Variants in MVB12B observed in about 807,000 individuals in gnomAD.
MVB12B encodes ESCRT-I complex subunit MVB12B.
MVB12B carries 16 observed loss-of-function variants against 41.6 expected under a neutral mutation model. The ratio of observed to expected loss-of-function variants is 0.38; its 90% confidence interval spans 0.26 to 0.58. MVB12B has a LOEUF of 0.58. Among genes scored for constraint, MVB12B ranks in the 20% least tolerant of loss-of-function variants. The probability of loss-of-function intolerance (pLI) is 0.62; values close to 1 mark genes in which losing one functional copy is unlikely to be tolerated. For synonymous variants in MVB12B, 133 were observed against 139.7 expected (o/e 0.95, Z 0.34); for missense variants, 274 against 380.2 (o/e 0.72, Z 2.32).
chr9:126,476,673 G>C (rs1274656312), intron 7 of MVB12B, among the ~76,000 whole-genome samples: 1 of 151,880 alleles, frequency 6.6e-6, no homozygotes, highest in African/African-American at 2.4e-5. Context: ...TCAGGAGATC[G>C]AGACCATCCT....
chr9:126,328,521 C>T (rs1228322385), intron 1 of MVB12B, among the ~76,000 whole-genome samples: 1 of 152,178 alleles, frequency 6.6e-6, no homozygotes, highest in Non-Finnish European at 1.5e-5. Context: ...GGCTTTCCTA[C>T]TTACTTTGTG....
chr9:126,418,459 T>C (rs575444268), intron 6 of MVB12B, among the ~76,000 whole-genome samples: 2 of 152,336 alleles, frequency 1.3e-5, no homozygotes, highest in South Asian at 4.1e-4. Flanking sequence ...GAATGAAGTC[T>C]CTGCACAAAG....
chr9:126,340,709 C>A lies in MVB12B; in HGVS notation c.204+79C>A. On this transcript the variant is annotated intron_variant, in intron 2 of 9. Coordinates refer to ENST00000361171, the MANE Select transcript of MVB12B (RefSeq NM_033446.3). The surrounding 1 kb of genome is among the most constrained non-coding windows in gnomAD (Gnocchi z 4.0). The stretch of plus-strand genomic sequence containing the variant: ...TCTCCTGTGTCCAAGACCTTCTGGC[C>A]CTTGCGTGTAAGATGTGCTTCTTCC... The A allele has an allele frequency of 6.5e-7, 1 of 1,529,360 alleles. No individual in the cohort carries two copies. Among genetic ancestry groups the A allele is most frequent in the African/African-American group, 1.4e-5 (1 of 72,988 alleles). The allele number at this position is 1,529,360 out of a possible 1,614,324, so 94.7% of individuals were successfully genotyped here. A position where few individuals can be genotyped will look rare whatever the true frequency, so the allele number is the denominator to read the frequency against.
Position 126,391,801 on chromosome 9 carries a change from C to T in MVB12B, c.410-265C>T, listed in dbSNP as rs1026902478. Among the ~76,000 whole-genome samples, 4 of 152,202 alleles carry T rather than the reference C, an allele frequency of 2.6e-5. No homozygotes were observed. Among genetic ancestry groups the T allele is most frequent in the South Asian group, 2.1e-4 (1 of 4,834 alleles). ...CTGAGCAGTGAGCAGATTGTGGTTG[C>T]GGCTCTTAGAAGCCACCCAGATTTA... On this transcript the variant is annotated intron_variant, in intron 4 of 9. Coordinates refer to ENST00000361171, the MANE Select transcript of MVB12B (RefSeq NM_033446.3). This position sits in a 1 kb window ranked among gnomAD's most constrained non-coding sequence, Gnocchi z 4.4.
intron 2 of MVB12B, among the ~76,000 whole-genome samples, chr9:126,347,107 T>C (rs1829612709): frequency 6.6e-6 from 1 of 152,132 alleles, no homozygotes; most frequent in Non-Finnish European, 1.5e-5. Flanking sequence ...TAGTTACTGA[T>C]GAGAAGGAAC....
chr9:126,439,993 A>G (rs545456037), intron 7 of MVB12B, among the ~76,000 whole-genome samples: 1 of 152,350 alleles, frequency 6.6e-6, no homozygotes, highest in East Asian at 1.9e-4. Flanking sequence ...ATTTACTCTG[A>G]TGATATTAAT....
intron 2 of MVB12B, among the ~76,000 whole-genome samples, chr9:126,375,290 TGAG>T (rs1830446660): frequency 6.6e-6 from 1 of 152,050 alleles, no homozygotes; most frequent in Non-Finnish European, 1.5e-5. Context: ...TTCATTCATT[TGAG>T]GAGTTGTCCG....
At chr9:126,429,828 T>C (rs1172286886) in intron 7 of MVB12B, among the ~76,000 whole-genome samples, 1 of 152,210 alleles carries the variant, frequency 6.6e-6, no homozygotes, top group Non-Finnish European at 1.5e-5. Flanking sequence ...GGAGGTTTTC[T>C]GCAGTGCGAG....
At chr9:126,471,584 AT>A (rs1454370877) in intron 7 of MVB12B, among the ~76,000 whole-genome samples, 5 of 152,226 alleles carry the variant, frequency 3.3e-5, no homozygotes, top group African/African-American at 1.2e-4. Context: ...TCCAAGGAAT[AT>A]CCCCAAAGTG....
chr9:126,471,813 C>G (rs1833319769), intron 7 of MVB12B, among the ~76,000 whole-genome samples: 1 of 152,158 alleles, frequency 6.6e-6, no homozygotes, highest in Non-Finnish European at 1.5e-5. Context: ...TCCCACCACT[C>G]CAATTGCATT....
intron 1 of MVB12B, among the ~76,000 whole-genome samples, chr9:126,332,623 C>G (rs919047595): frequency 2.6e-5 from 4 of 152,178 alleles, no homozygotes; most frequent in African/African-American, 7.2e-5. Flanking sequence ...ATCAGTGACC[C>G]CAGACCCCGG....
At chr9:126,359,245 T>A (rs1006675624) in intron 2 of MVB12B, among the ~76,000 whole-genome samples, 23 of 152,242 alleles carry the variant, frequency 1.5e-4, no homozygotes, top group African/African-American at 4.6e-4. Context: ...AACTTCCATT[T>A]CTGGAATAAA....
At chr9:126,355,021 TCTGAACACTGTCTTCTCC>T (rs750868758) in intron 2 of MVB12B, among the ~76,000 whole-genome samples, 1 of 152,192 alleles carries the variant, frequency 6.6e-6, no homozygotes, top group Non-Finnish European at 1.5e-5. Flanking sequence ...GTAGCTATTT[TCTGAACACTGTCTTCTCC>T]CTGTGGTTTT....
At chr9:126,454,996 A>G (rs1018635892) in intron 7 of MVB12B, among the ~76,000 whole-genome samples, 1 of 152,048 alleles carries the variant, frequency 6.6e-6, no homozygotes, top group African/African-American at 2.4e-5. Context: ...GCGAGCATGC[A>G]CCATGATGGC....
intron 1 of MVB12B, among the ~76,000 whole-genome samples, chr9:126,334,770 C>T (rs1397567658): frequency 6.6e-6 from 1 of 152,218 alleles, no homozygotes; most frequent in Non-Finnish European, 1.5e-5. Flanking sequence ...CCACAGTGTA[C>T]TGGAGAATGC....
chr9:126,431,263 C>T (rs183329189), intron 7 of MVB12B, among the ~76,000 whole-genome samples: 7 of 152,336 alleles, frequency 4.6e-5, no homozygotes, highest in African/African-American at 1.2e-4. Context: ...CATTCTGTCA[C>T]GCATCACCAC....
intron 9 of MVB12B, among the ~76,000 whole-genome samples, chr9:126,491,587 C>A (rs1489609218): frequency 6.6e-6 from 1 of 152,158 alleles, no homozygotes; most frequent in African/African-American, 2.4e-5. Context: ...CTTTATTTTT[C>A]TGTTAGAAAG....
Position 126,506,057 on chromosome 9 carries a change from G to C in MVB12B, c.*2794G>C, listed in dbSNP as rs1386699738. On this transcript the variant is annotated 3_prime_UTR_variant, in exon 10 of 10. Transcript: ENST00000361171. ...GGAAATGGCACAAAGGTGATAAGGA[G>C]CAGGTGCTTTGCTGCAGTCTCCCTT... 4.6e-5 allele frequency: 7 copies of C among 152,332 alleles called. No individual in the cohort carries two copies. Among genetic ancestry groups the C allele is most frequent in the Admixed American group, 2.0e-4 (3 of 15,292 alleles). The allele number at this position is 152,332 out of a possible 1,614,324, so 9.4% of individuals were successfully genotyped here.
intron 6 of MVB12B, 100 bp from the exon 7 acceptor site, chr9:126,421,754 C>T: frequency 1.1e-6 from 1 of 884,180 alleles, no homozygotes; most frequent in Non-Finnish European, 1.9e-6. Context: ...GCTCTGCCCG[C>T]TGATCTGTGC....
Sources: gnomAD v4.1 joint callset for allele counts (sites outside exome capture counted in the v4.1 genomes callset) on GRCh38, gnomAD v4.1.1 for gene constraint, Gnocchi (gnomAD v3.1) non-coding constraint, MANE v1.5 for transcripts, NCBI Gene and HGNC (gene_info 2026-07-23, HGNC 2026-07-21) for gene names.